CSMD1: variants seen among roughly 807,000 people sequenced by gnomAD.
CSMD1 encodes CUB and Sushi multiple domains 1.
CSMD1 carries 213 observed loss-of-function variants against 417.5 expected under a neutral mutation model. The observed-to-expected ratio is 0.51, with a 90% CI of 0.46 to 0.57. CSMD1 has a LOEUF of 0.57. Among genes scored for constraint, CSMD1 ranks in the 20% least tolerant of loss-of-function variants. The probability of loss-of-function intolerance (pLI) is 0.00; values close to 1 mark genes in which losing one functional copy is unlikely to be tolerated. For missense variants in CSMD1, 6,923 were observed against 4,529.7 expected, an observed-to-expected ratio of 1.53 and a Z score of -15.17; for synonymous variants, 2,862 against 1,736.8, an observed-to-expected ratio of 1.65 and a Z score of -16.11.
At position 2,962,654 on chromosome 8, in the gene CSMD1, C is replaced by G. The variant is rs186943097; in HGVS notation, c.9455-15G>C. The G allele has an allele frequency of 1.7e-3, 2,672 of 1,610,632 alleles. 12 individuals carry two copies. Among genetic ancestry groups the G allele is most frequent in the Middle Eastern group, 4.5e-3 (27 of 6,034 alleles). On this transcript the variant is annotated splice_polypyrimidine_tract_variant and intron_variant, in intron 60 of 69. Transcript: ENST00000635120. ...GCAGAACACAGCTATGGAAGATAAC[C>G]AGGAAGAAGTCAGCCTTCAACGTCC...
intron 7 of CSMD1, among the ~76,000 whole-genome samples, chr8:3,655,371 T>A (rs188353790): frequency 6.6e-6 from 1 of 152,336 alleles, no homozygotes; most frequent in African/African-American, 2.4e-5. Flanking sequence ...TGGCAGTGAT[T>A]TTCATTTTTC....
intron 4 of CSMD1, among the ~76,000 whole-genome samples, chr8:4,024,023 T>C (rs933592604): frequency 4.6e-5 from 7 of 152,118 alleles, no homozygotes; most frequent in Non-Finnish European, 7.4e-5. Flanking sequence ...GCAAAGGTTC[T>C]ATTGCAATTG....
At chr8:3,255,377 C>A (rs186771663) in intron 26 of CSMD1, among the ~76,000 whole-genome samples, 98 of 152,280 alleles carry the variant, frequency 6.4e-4, no homozygotes, top group African/African-American at 2.1e-3. Context: ...GCTGGGAGAA[C>A]CACTACTCTA....
chr8:3,631,610 A>G (rs1361528158), intron 7 of CSMD1, among the ~76,000 whole-genome samples: 2 of 152,242 alleles, frequency 1.3e-5, no homozygotes, highest in East Asian at 3.8e-4. Context: ...GGAAGGATCC[A>G]TCGGTTTTGC....
chr8:3,427,427 T>A (rs952269063), intron 12 of CSMD1, among the ~76,000 whole-genome samples: 4 of 152,178 alleles, frequency 2.6e-5, no homozygotes, highest in African/African-American at 9.6e-5. Context: ...TTTAACAATA[T>A]GTAATGATTC....
intron 1 of CSMD1, among the ~76,000 whole-genome samples, chr8:4,650,248 G>C (rs984030343): frequency 1.3e-4 from 19 of 151,142 alleles, no homozygotes; most frequent in Non-Finnish European, 2.1e-4. Context: ...GGGAGGCTGA[G>C]GCAGGAGAAT....
chr8:3,682,757 G>C (rs1218536104), intron 7 of CSMD1, among the ~76,000 whole-genome samples: 1 of 152,156 alleles, frequency 6.6e-6, no homozygotes, highest in Non-Finnish European at 1.5e-5. Context: ...GTTTATTGCG[G>C]CACTATTCAC....
At chr8:3,523,743 G>T (rs532822987) in intron 10 of CSMD1, among the ~76,000 whole-genome samples, 4 of 146,492 alleles carry the variant, frequency 2.7e-5, no homozygotes, top group Non-Finnish European at 6.0e-5. Context: ...AGAGACACAT[G>T]CATACACATG....
chr8:3,634,356 C>G (rs942890441), intron 7 of CSMD1, among the ~76,000 whole-genome samples: 27 of 152,188 alleles, frequency 1.8e-4, no homozygotes, highest in African/African-American at 6.0e-4. Flanking sequence ...CTGTGACAAA[C>G]TCCAGTTAAA....
chr8:3,876,859 G>T (rs2975354), intron 5 of CSMD1, among the ~76,000 whole-genome samples: 1 of 152,190 alleles, frequency 6.6e-6, no homozygotes, highest in South Asian at 2.1e-4. Context: ...TGATTCGCCC[G>T]CCTTGGCCTC....
intron 12 of CSMD1, among the ~76,000 whole-genome samples, chr8:3,416,843 T>C (rs749637581): frequency 1.8e-4 from 27 of 152,242 alleles, no homozygotes; most frequent in Non-Finnish European, 5.9e-5. Context: ...ATGACAGCTT[T>C]ATCAGGTTCT....
At chr8:4,721,770 G>A (rs1398814181) in intron 1 of CSMD1, among the ~76,000 whole-genome samples, 7 of 152,210 alleles carry the variant, frequency 4.6e-5, no homozygotes, top group South Asian at 2.1e-4. Context: ...GTTCACTGAG[G>A]TATCATTCAC....
At chr8:4,374,131 T>C (rs1000708754) in intron 3 of CSMD1, among the ~76,000 whole-genome samples, 1 of 152,098 alleles carries the variant, frequency 6.6e-6, no homozygotes, top group African/African-American at 2.4e-5. Context: ...TATTGACCCA[T>C]CAGCTGGATA....
chr8:4,689,533 A>G (rs1386637187), intron 1 of CSMD1, among the ~76,000 whole-genome samples: 1 of 152,228 alleles, frequency 6.6e-6, no homozygotes, highest in Non-Finnish European at 1.5e-5. Flanking sequence ...TTAAAGTATC[A>G]TAAGGATTAT....
chr8:3,506,559 A>G (rs1174425817), intron 10 of CSMD1, among the ~76,000 whole-genome samples: 2 of 152,184 alleles, frequency 1.3e-5, no homozygotes, highest in East Asian at 3.8e-4. Context: ...TCATTCCCTC[A>G]TCTTTCATTC....
intron 2 of CSMD1, among the ~76,000 whole-genome samples, chr8:4,523,860 C>A (rs1261390717): frequency 6.6e-6 from 1 of 152,152 alleles, no homozygotes; most frequent in Non-Finnish European, 1.5e-5. Flanking sequence ...TCTTGACCTC[C>A]AACTCCTTTC....
At chr8:3,652,905 T>A (rs1797931439) in intron 7 of CSMD1, among the ~76,000 whole-genome samples, 1 of 152,122 alleles carries the variant, frequency 6.6e-6, no homozygotes, top group African/African-American at 2.4e-5. Context: ...AATGAATGAA[T>A]AAACGAATGA....
At chr8:3,827,621 A>G (rs1033647946) in intron 5 of CSMD1, among the ~76,000 whole-genome samples, 2 of 152,226 alleles carry the variant, frequency 1.3e-5, no homozygotes, top group African/African-American at 4.8e-5. Context: ...ATATGGAACT[A>G]ATCTTTCTAT....
intron 1 of CSMD1, among the ~76,000 whole-genome samples, chr8:4,764,759 G>A (rs1309022535): frequency 1.3e-5 from 2 of 149,846 alleles, no homozygotes; most frequent in Non-Finnish European, 1.5e-5. Flanking sequence ...TGTAGTCCCA[G>A]CTACTCTGGA....
Sources: allele counts gnomAD v4.1 joint callset (sites outside exome capture counted in the v4.1 genomes callset), GRCh38; gene constraint gnomAD v4.1.1; transcripts MANE v1.5; gene names NCBI Gene and HGNC (gene_info 2026-07-23, HGNC 2026-07-21).